The following CSMD1 variants were observed in gnomAD, a reference collection of about 807,000 sequenced individuals.
CSMD1 encodes the protein CUB and sushi domain-containing protein 1.
Under a neutral mutation model 417.5 loss-of-function variants are expected in CSMD1, and 213 were observed. The ratio of observed to expected loss-of-function variants is 0.51; its 90% CI spans 0.46 to 0.57. The LOEUF is 0.57. CSMD1 is among the 20% of genes least tolerant of loss of function. CSMD1 has a pLI of 0.00. For synonymous variants in CSMD1, 2,862 were observed against 1,736.8 expected (o/e 1.65, Z -16.11); for missense variants, 6,923 against 4,529.7 (o/e 1.53, Z -15.17).
chr8:4,308,163 T>C (rs1341385074), intron 3 of CSMD1, among the ~76,000 whole-genome samples: 3 of 152,190 alleles, frequency 2.0e-5, no homozygotes, highest in Non-Finnish European at 2.9e-5. Flanking sequence ...TTTCTTCGAA[T>C]GTTCCTCAAT....
intron 5 of CSMD1, among the ~76,000 whole-genome samples, chr8:3,763,924 G>C (rs1360865452): frequency 6.6e-6 from 1 of 152,042 alleles, no homozygotes; most frequent in East Asian, 1.9e-4. Flanking sequence ...TAACCTCTAT[G>C]GGAATCAAAA....
At chr8:4,261,678 G>A (rs1803893884) in intron 3 of CSMD1, among the ~76,000 whole-genome samples, 2 of 152,048 alleles carry the variant, frequency 1.3e-5, no homozygotes, top group South Asian at 2.1e-4. Context: ...CCAAAATGCT[G>A]GGACTACAGG....
chr8:4,741,107 T>C (rs1421556843), intron 1 of CSMD1, among the ~76,000 whole-genome samples: 2 of 152,202 alleles, frequency 1.3e-5, no homozygotes, highest in Admixed American at 6.5e-5. Flanking sequence ...ACAAGATCCA[T>C]CCTAGTATCT....
intron 2 of CSMD1, among the ~76,000 whole-genome samples, chr8:4,453,216 GACACACACACACAC>G (rs71207090): frequency 0.064 from 9,513 of 149,188 alleles, 359 homozygotes; most frequent in South Asian, 0.11. Context: ...CACACACAGA[GACACACACACACAC>G]ACACACACAC....
intron 25 of CSMD1, among the ~76,000 whole-genome samples, chr8:3,288,152 C>G (rs961320616): frequency 6.8e-5 from 10 of 147,306 alleles, no homozygotes; most frequent in Non-Finnish European, 1.5e-4. Flanking sequence ...AGGGATGAAG[C>G]CCACTTGATC....
At chr8:3,710,982 T>C (rs1232581386) in intron 6 of CSMD1, among the ~76,000 whole-genome samples, 5 of 152,132 alleles carry the variant, frequency 3.3e-5, no homozygotes, top group Non-Finnish European at 7.4e-5. Context: ...TGTGCTTCTG[T>C]ATCATGCCTT....
chr8:4,920,970 GAAAGAAAGAAACAAAGAAAGAAAGA>G (rs1806436471), intron 1 of CSMD1, among the ~76,000 whole-genome samples: 1 of 45,074 alleles, frequency 2.2e-5, no homozygotes, highest in African/African-American at 1.3e-4. Context: ...AAGAAAGAAA[GAAAGAAAGAAACAAAGAAAGAAAGA>G]AAAGAAAGAA....
At chr8:3,982,447 T>G (rs192268827) in intron 5 of CSMD1, among the ~76,000 whole-genome samples, 2 of 151,868 alleles carry the variant, frequency 1.3e-5, no homozygotes, top group African/African-American at 4.8e-5. Context: ...AATAGAAAGA[T>G]CTTAACTCAC....
intron 52 of CSMD1, among the ~76,000 whole-genome samples, chr8:3,016,068 C>T (rs79873930): frequency 0.036 from 5,475 of 152,262 alleles, 132 homozygotes; most frequent in African/African-American, 0.073. Context: ...CTGTACTTCT[C>T]TATGCTTTCT....
At position 3,997,997 on chromosome 8, in the gene CSMD1, G is replaced by A. The variant is rs1563300422; in HGVS notation, c.724C>T (p.Pro242Ser). The A allele has an allele frequency of 4.3e-6, 7 of 1,609,820 alleles. No individual in the cohort carries two copies. The highest frequency in any genetic ancestry group is 5.1e-6 in the Non-Finnish European group (6 of 1,177,940). ...ADCTWTILAE[P>S]GDTIALVFTD... ...AAGACCAGCGCAATGGTGTCCCCGG[G>A]CTCAGCCAGAATGGTCCAGGTGCAG... is the stretch of plus-strand genomic sequence containing the variant. Residue 242 changes from proline (P) to serine (S), a missense_variant, in exon 5 of 70, where the codon CCC becomes TCC. Coordinates refer to ENST00000635120, the MANE Select transcript of CSMD1 (RefSeq NM_033225.6).
intron 33 of CSMD1, 101 bp from the exon 34 acceptor site, chr8:3,190,216 A>G: frequency 1.2e-6 from 1 of 826,922 alleles, no homozygotes; most frequent in Non-Finnish European, 1.9e-6. Flanking sequence ...GAGCTGATGC[A>G]GACAGAGAAT....
chr8:3,104,028 C>A (rs1815950540), intron 46 of CSMD1, among the ~76,000 whole-genome samples: 1 of 152,194 alleles, frequency 6.6e-6, no homozygotes, highest in South Asian at 2.1e-4. Flanking sequence ...CAGGCATGAG[C>A]CACTGTCCCT....
At chr8:3,676,500 A>C (rs373186292) in intron 7 of CSMD1, among the ~76,000 whole-genome samples, 1 of 152,308 alleles carries the variant, frequency 6.6e-6, no homozygotes, top group African/African-American at 2.4e-5. Flanking sequence ...TTGCCTGAAA[A>C]ATTTTATATC....
At chr8:4,902,587 G>A (rs1347744817) in intron 1 of CSMD1, among the ~76,000 whole-genome samples, 1 of 152,108 alleles carries the variant, frequency 6.6e-6, no homozygotes, top group Non-Finnish European at 1.5e-5. Flanking sequence ...ATTATGCTGT[G>A]GCTAATAACA....
chr8:3,723,955 G>C (rs979157073), intron 6 of CSMD1, among the ~76,000 whole-genome samples: 2 of 114,162 alleles, frequency 1.8e-5, no homozygotes, highest in African/African-American at 5.0e-5. Flanking sequence ...ATAGCCATTT[G>C]TTAAGTTTAA....
At chr8:3,588,030 G>A (rs188338315) in intron 8 of CSMD1, among the ~76,000 whole-genome samples, 98 of 152,106 alleles carry the variant, frequency 6.4e-4, no homozygotes, top group African/African-American at 2.1e-3. Context: ...ATATTCTGCC[G>A]CCATCGTTTT....
chr8:3,095,812 T>C (rs1191180169), intron 47 of CSMD1, among the ~76,000 whole-genome samples: 1 of 152,214 alleles, frequency 6.6e-6, no homozygotes, highest in African/African-American at 2.4e-5. Context: ...ATTCCTTCCA[T>C]TTCAAATTGA....
At chr8:3,255,544 T>A (rs1800588230) in intron 26 of CSMD1, among the ~76,000 whole-genome samples, 1 of 152,232 alleles carries the variant, frequency 6.6e-6, no homozygotes, top group Non-Finnish European at 1.5e-5. Context: ...CTGCTTTGTT[T>A]ACCTACTCAA....
chr8:4,756,446 C>A (rs545739265), intron 1 of CSMD1, among the ~76,000 whole-genome samples: 7 of 152,006 alleles, frequency 4.6e-5, no homozygotes, highest in African/African-American at 1.7e-4. Flanking sequence ...GTTTCCTAAA[C>A]GCTAAAAGTT....
Sources: gnomAD v4.1 joint callset for allele counts (sites outside exome capture counted in the v4.1 genomes callset) on GRCh38, gnomAD v4.1.1 for gene constraint, MANE v1.5 for transcripts, NCBI Gene and HGNC (gene_info 2026-07-23, HGNC 2026-07-21) for gene names.